ADGRL3: variants seen among roughly 807,000 people sequenced by gnomAD.
ADGRL3 encodes adhesion G protein-coupled receptor L3.
Under a neutral mutation model 153.5 loss-of-function variants are expected in ADGRL3, and 62 were observed. The observed-to-expected ratio is 0.40, with a 90% CI of 0.33 to 0.50. The LOEUF (loss-of-function observed/expected upper bound fraction) is 0.50, where lower values mean the gene tolerates loss of function less well. Ranked by LOEUF, ADGRL3 falls within the 20% of genes least tolerant of loss-of-function variation. ADGRL3 has a pLI of 0.47. For missense variants in ADGRL3, 1,641 were observed against 1,859.4 expected (o/e 0.88, Z 2.16); for synonymous variants, 710 against 672.5 (o/e 1.06, Z -0.86).
intron 1 of ADGRL3, among the ~76,000 whole-genome samples, chr4:61,265,258 A>G (rs183687754): frequency 1.9e-3 from 284 of 152,062 alleles, no homozygotes; most frequent in African/African-American, 6.2e-3. Context: ...CTGGGTTTCA[A>G]TACGTGAAGC....
At chr4:61,404,304 A>G (rs1374668022) in intron 2 of ADGRL3, among the ~76,000 whole-genome samples, 1 of 152,066 alleles carries the variant, frequency 6.6e-6, no homozygotes, top group Non-Finnish European at 1.5e-5. Context: ...ACCTAGCCCA[A>G]TGGGTTCAGA....
chr4:61,334,130 T>C (rs887771443), intron 1 of ADGRL3, among the ~76,000 whole-genome samples: 6 of 151,916 alleles, frequency 3.9e-5, no homozygotes, highest in Non-Finnish European at 8.8e-5. Context: ...TTGGCCAGGC[T>C]GGTCTCAAAC....
chr4:61,581,162 A>G (rs1037488758), intron 4 of ADGRL3, among the ~76,000 whole-genome samples: 1 of 152,018 alleles, frequency 6.6e-6, no homozygotes, highest in Non-Finnish European at 1.5e-5. Context: ...ACCCTGAGAG[A>G]TGATTCAGAG....
At chr4:61,371,599 T>C (rs368421552) in intron 1 of ADGRL3, among the ~76,000 whole-genome samples, 2 of 152,190 alleles carry the variant, frequency 1.3e-5, no homozygotes, top group Non-Finnish European at 2.9e-5. Flanking sequence ...CCAAGAGATC[T>C]GCTGTTAGTC....
In ADGRL3 at chr4:61,869,936, T is replaced by TAAAAAAAAAAAAAAAAAAAAAA. The variant is rs1190618911; in HGVS notation, c.1481-22716_1481-22695dup. ...CTGGGCAACAAGAGCAAAACTTTGT[T>TAAAAAAAAAAAAAAAAAAAAAA]AAAAAAAAAAAAAAAAAAAAAAAAA... On this transcript the variant is annotated intron_variant, in intron 9 of 26. Coordinates refer to ENST00000683033, the MANE Select transcript of ADGRL3 (RefSeq NM_001387552.1). Among the ~76,000 whole-genome samples, 41 of 10,506 alleles carry TAAAAAAAAAAAAAAAAAAAAAA rather than the reference T, an allele frequency of 3.9e-3. 13 individuals are homozygous for TAAAAAAAAAAAAAAAAAAAAAA. Among genetic ancestry groups the TAAAAAAAAAAAAAAAAAAAAAA allele is most frequent in the Non-Finnish European group, 6.1e-3 (24 of 3,912 alleles). 6.9% of individuals were successfully genotyped at this position (10,506 alleles called of 152,430 possible). A position where few individuals can be genotyped will look rare whatever the true frequency, so the allele number is the denominator to read the frequency against.
In ADGRL3 at chr4:61,653,168, T is replaced by TCA. The variant is rs1485158896; in HGVS notation, c.474-23657_474-23656insAC. ...CTCTCTCTGTCTCTCTCTCTCTCTC[T>TCA]CTCACACACACACACACACACACAC... is the stretch of plus-strand genomic sequence containing the variant. On this transcript the variant is annotated intron_variant, in intron 5 of 26. Coordinates refer to ENST00000683033, the MANE Select transcript of ADGRL3 (RefSeq NM_001387552.1). 3.3e-4 allele frequency among the ~76,000 whole-genome samples: 18 copies of TCA among 55,338 alleles called. 1 individual carries two copies. Among genetic ancestry groups the TCA allele is most frequent in the African/African-American group, 7.9e-4 (15 of 18,906 alleles). 36.3% of individuals were successfully genotyped at this position (55,338 alleles called of 152,430 possible).
intron 1 of ADGRL3, among the ~76,000 whole-genome samples, chr4:61,302,844 T>C (rs1359461185): frequency 1.3e-5 from 2 of 152,172 alleles, no homozygotes; most frequent in African/African-American, 2.4e-5. Flanking sequence ...ATGAATCATT[T>C]TTGAAACATT....
chr4:61,337,337 A>T (rs2095700407), intron 1 of ADGRL3, among the ~76,000 whole-genome samples: 1 of 152,176 alleles, frequency 6.6e-6, no homozygotes. Flanking sequence ...GACAAGTGAC[A>T]GTTACAAATT....
intron 2 of ADGRL3, among the ~76,000 whole-genome samples, chr4:61,421,259 G>A (rs1215118863): frequency 2.0e-5 from 3 of 152,084 alleles, no homozygotes; most frequent in East Asian, 1.9e-4. Flanking sequence ...GTGTGAACCC[G>A]GGAGGCGGAG....
chr4:61,677,239 C>A (rs4860425), intron 6 of ADGRL3: 54,868 of 315,554 alleles, frequency 0.17, 5,244 homozygotes, highest in Admixed American at 0.22. Flanking sequence ...TATACCAATT[C>A]TCCAGGTCCA....
intron 6 of ADGRL3, among the ~76,000 whole-genome samples, chr4:61,687,177 A>C (rs1288794462): frequency 2.0e-5 from 3 of 151,982 alleles, no homozygotes; most frequent in Non-Finnish European, 4.4e-5. Flanking sequence ...AAGTCAAATA[A>C]ATACTTATTA....
At chr4:61,648,256 T>C (rs2094114138) in intron 5 of ADGRL3, among the ~76,000 whole-genome samples, 1 of 151,234 alleles carries the variant, frequency 6.6e-6, no homozygotes, top group Non-Finnish European at 1.5e-5. Context: ...CTTAAAAAAA[T>C]AGAATGGAAA....
intron 15 of ADGRL3, among the ~76,000 whole-genome samples, chr4:61,938,978 C>T (rs904996275): frequency 6.7e-6 from 1 of 150,114 alleles, no homozygotes; most frequent in Non-Finnish European, 1.5e-5. Flanking sequence ...ACTCCCTCAT[C>T]TTAGTAACCA....
chr4:61,787,150 A>C (rs1029129789), intron 8 of ADGRL3, among the ~76,000 whole-genome samples: 3 of 152,306 alleles, frequency 2.0e-5, no homozygotes, highest in East Asian at 1.9e-4. Context: ...TAAATGATAA[A>C]ATTTGTGAAT....
At chr4:61,531,023 A>C (rs527350520) in intron 4 of ADGRL3, among the ~76,000 whole-genome samples, 1 of 152,308 alleles carries the variant, frequency 6.6e-6, no homozygotes, top group South Asian at 2.1e-4. Context: ...TTAACTCAAT[A>C]AATATTTCCT....
At chr4:61,278,806 G>A (rs894212297) in intron 1 of ADGRL3, among the ~76,000 whole-genome samples, 11 of 152,122 alleles carry the variant, frequency 7.2e-5, no homozygotes, top group African/African-American at 2.2e-4. Flanking sequence ...GCACCTGGCC[G>A]TGGTACTACT....
intron 8 of ADGRL3, among the ~76,000 whole-genome samples, chr4:61,761,317 A>C (rs1055099896): frequency 1.3e-5 from 2 of 152,210 alleles, no homozygotes; most frequent in African/African-American, 4.8e-5. Flanking sequence ...TTTAAATTAT[A>C]AACTAAGTTC....
chr4:61,752,071 G>A (rs1580630724), intron 8 of ADGRL3, among the ~76,000 whole-genome samples: 1 of 152,066 alleles, frequency 6.6e-6, no homozygotes, highest in Non-Finnish European at 1.5e-5. Context: ...ATATACTGCT[G>A]GTTGGAATAT....
In ADGRL3 at chr4:61,983,472, C is replaced by G. The variant is rs1284317089; in HGVS notation, c.3105C>G (p.Ile1035Met). Reference protein sequence around the residue: ...WMFLEGVQLYIMLVEVFESEH... With the variant: ...WMFLEGVQLYMMLVEVFESEH... ...TCCTGGAGGGGGTGCAGCTTTATAT[C>G]ATGCTGGTGGAGGTTTTTGAGAGTG... Residue 1035 changes from isoleucine to methionine, a missense_variant, in exon 19 of 27, where the codon ATC becomes ATG. Ile to Met is a conservative substitution (Grantham distance 10). This residue lies in a region of ADGRL3 where 734 missense variants were observed against 797.0 expected (regional missense o/e 0.92). Coordinates refer to ENST00000683033, the MANE Select transcript of ADGRL3 (RefSeq NM_001387552.1). 3 of 1,613,914 alleles carry G rather than the reference C, an allele frequency of 1.9e-6. No homozygotes were observed. Among genetic ancestry groups the G allele is most frequent in the East Asian group, 2.2e-5 (1 of 44,856 alleles).
Sources: allele counts gnomAD v4.1 joint callset (sites outside exome capture counted in the v4.1 genomes callset), GRCh38; gene constraint gnomAD v4.1.1; regional missense constraint gnomAD v4.1.1; transcripts MANE v1.5; gene names NCBI Gene and HGNC (gene_info 2026-07-23, HGNC 2026-07-21).